The following LYST variants were observed in gnomAD, a reference collection of about 807,000 sequenced individuals.
LYST encodes lysosomal-trafficking regulator.
In LYST, 192 loss-of-function variants were observed where a neutral mutation model predicts 413.6. That is an observed-to-expected ratio of 0.46 (90% CI 0.41 to 0.52). LYST has a LOEUF of 0.52. Ranked by LOEUF, LYST falls within the 20% of genes least tolerant of loss-of-function variation. The pLI is 0.00. For synonymous variants in LYST, 1,525 were observed against 1,567.3 expected, an observed-to-expected ratio of 0.97 and a Z score of 0.64; for missense variants, 3,815 against 4,499.9, an observed-to-expected ratio of 0.85 and a Z score of 4.35.
At chr1:235,772,353 C>T (rs972486181) in intron 19 of LYST, among the ~76,000 whole-genome samples, 4 of 151,864 alleles carry the variant, frequency 2.6e-5, no homozygotes, top group Admixed American at 2.6e-4. Flanking sequence ...TTCTGAATTG[C>T]TCTATAAATA....
chr1:235,750,774 T>C (rs1272193254), intron 28 of LYST, among the ~76,000 whole-genome samples: 1 of 152,232 alleles, frequency 6.6e-6, no homozygotes, highest in Non-Finnish European at 1.5e-5. Flanking sequence ...TCTTTTGTCC[T>C]GAGTAGAAAC....
intron 47 of LYST, 146 bp downstream of exon 47, chr1:235,693,204 C>G: frequency 1.6e-6 from 1 of 618,852 alleles, no homozygotes; most frequent in Non-Finnish European, 2.8e-6. Context: ...GTAGTCCCAG[C>G]TACTTGGGAG....
chr1:235,718,567 C>T (rs1663056978), intron 40 of LYST, among the ~76,000 whole-genome samples: 1 of 152,202 alleles, frequency 6.6e-6, no homozygotes, highest in African/African-American at 2.4e-5. Flanking sequence ...CAGCTTAAAT[C>T]TGATTTCTTG....
At chr1:235,784,551 GTTA>G (rs1438420218) in intron 14 of LYST, among the ~76,000 whole-genome samples, 96 of 152,316 alleles carry the variant, frequency 6.3e-4, no homozygotes, top group African/African-American at 2.0e-3. Flanking sequence ...CAGAGTTTAG[GTTA>G]AACTTTCAGC....
chr1:235,716,908 A>T lies in LYST; in HGVS notation c.9561-130T>A, dbSNP rs770253107. ...TCCACCCTTATTTCTCTGCTTAAAC[A>T]TATTGTTTTGTAACTAACAGTCACC... On this transcript the variant is annotated intron_variant, in intron 40 of 52. Coordinates refer to ENST00000389793, the MANE Select transcript of LYST (RefSeq NM_000081.4). 5.6e-5 allele frequency: 34 copies of T among 608,206 alleles called. 1 individual carries two copies. In the Middle Eastern group the frequency reaches 6.5e-3, roughly 117 times the overall value. 37.7% of individuals were successfully genotyped at this position (608,206 alleles called of 1,614,324 possible).
intron 31 of LYST, chr1:235,738,187 T>C (rs1664985111): frequency 1.2e-6 from 2 of 1,610,014 alleles, no homozygotes; most frequent in African/African-American, 1.3e-5. Context: ...GGCGAGATGA[T>C]GGATCTCCAC....
chr1:235,761,474 G>C (rs1410690773), intron 22 of LYST, among the ~76,000 whole-genome samples: 2 of 152,196 alleles, frequency 1.3e-5, no homozygotes, highest in Non-Finnish European at 2.9e-5. Flanking sequence ...AGATAGAAAA[G>C]TACTGTAGGC....
intron 34 of LYST, among the ~76,000 whole-genome samples, chr1:235,731,908 G>A (rs996942399): frequency 6.6e-6 from 1 of 151,924 alleles, no homozygotes; most frequent in African/African-American, 2.4e-5. Flanking sequence ...TCTTTCTGTG[G>A]TATGAATCAC....
chr1:235,688,984 AAATAATAATAATAATAAT>A (rs35849101), intron 47 of LYST, among the ~76,000 whole-genome samples: 5 of 135,932 alleles, frequency 3.7e-5, no homozygotes, highest in African/African-American at 8.4e-5. Context: ...ACTCCGTCTC[AAATAATAATAATAATAAT>A]AATAATAATA....
rs759114493 is a variant in LYST at position 235,693,363 on chromosome 1, G to A, written c.10688C>T (p.Ser3563Leu). ...TAAAGTGTTTACCTGGTACTGTTGT[G>A]AACTTTGAATAAAGTTTACTGGAGG... ...SEPPVNFIQSSQQYQVTSCAW... is the reference protein window; with the variant it reads ...SEPPVNFIQSLQQYQVTSCAW... Residue 3563 changes from serine to leucine, a missense_variant, in exon 47 of 53, where the codon TCA (serine) becomes TTA (leucine). Physicochemically the swap from Ser to Leu is moderately radical, Grantham distance 145. Coordinates refer to ENST00000389793, the MANE Select transcript of LYST (RefSeq NM_000081.4). The A allele has an allele frequency of 1.7e-5, 27 of 1,607,890 alleles. 1 individual carries two copies. The South Asian group carries it at 3.0e-4, about 18-fold the overall frequency.
chr1:235,834,368 T>C (rs1676314520), intron 1 of LYST, among the ~76,000 whole-genome samples: 1 of 152,126 alleles, frequency 6.6e-6, no homozygotes, highest in African/African-American at 2.4e-5. Flanking sequence ...TATTTTGAAT[T>C]ATAAGTTTTA....
intron 13 of LYST, among the ~76,000 whole-genome samples, chr1:235,788,029 A>C (rs1371966108): frequency 6.6e-6 from 1 of 152,244 alleles, no homozygotes; most frequent in Non-Finnish European, 1.5e-5. Context: ...TGGAAAACTT[A>C]TGTCTGTTAA....
intron 31 of LYST, chr1:235,738,142 T>C: frequency 6.2e-7 from 1 of 1,608,898 alleles, no homozygotes; most frequent in Non-Finnish European, 8.5e-7. Context: ...GCAGGCGAAC[T>C]TGCTCTTGTT....
intron 45 of LYST, among the ~76,000 whole-genome samples, chr1:235,698,797 T>C (rs1331081173): frequency 3.3e-5 from 5 of 152,014 alleles, no homozygotes; most frequent in Non-Finnish European, 7.4e-5. Context: ...GGCATGAACC[T>C]GGGAGGCAGA....
chr1:235,662,787 C>A lies in LYST; in HGVS notation c.*153G>T. 1 of 752,040 alleles carries A rather than the reference C, an allele frequency of 1.3e-6. No homozygotes were observed. Among genetic ancestry groups the A allele is most frequent in the South Asian group, 1.4e-5 (1 of 72,544 alleles). 46.6% of individuals were successfully genotyped at this position (752,040 alleles called of 1,614,324 possible). On this transcript the variant is annotated 3_prime_UTR_variant, in exon 53 of 53. Coordinates refer to ENST00000389793, the MANE Select transcript of LYST (RefSeq NM_000081.4). ...ACTTTCCTCTTAGGATCATGTGACT[C>A]TTCAGAATTTTGTGCAGATGAATAG...
chr1:235,855,368 A>AGT (rs1679053118), intron 1 of LYST, among the ~76,000 whole-genome samples: 1 of 152,194 alleles, frequency 6.6e-6, no homozygotes, highest in East Asian at 1.9e-4. Context: ...TCTGAGAAAC[A>AGT]GACACATTTA....
intron 45 of LYST, among the ~76,000 whole-genome samples, chr1:235,699,568 A>C: frequency 6.6e-6 from 1 of 151,564 alleles, no homozygotes; most frequent in Admixed American, 6.5e-5. Context: ...GAGTAGAATG[A>C]TTTATATTCC....
chr1:235,809,012 T>C lies in LYST; in HGVS notation c.1806A>G (p.Pro602=), dbSNP rs1673169473. 6.2e-7 allele frequency: 1 copy of C among 1,613,964 alleles called. No homozygotes were observed. Among genetic ancestry groups the C allele is most frequent in the Admixed American group, 1.7e-5 (1 of 59,992 alleles). Residue 602 remains proline, a synonymous_variant, in exon 5 of 53, where the codon CCA becomes CCG. Coordinates refer to ENST00000389793, the MANE Select transcript of LYST (RefSeq NM_000081.4). The surrounding 1 kb of genome is among the most constrained non-coding windows in gnomAD (Gnocchi z 4.0). ...TATGCTGCTGAAAATTTTTCAGTGC[T>C]GGCAATTTAAAAGCATGGAGCAAAG... is the stretch of plus-strand genomic sequence containing the variant. The part of the protein sequence containing the change: ...IIPLLHAFKL[P]ALKNFQQHIL...
chr1:235,757,263 T>A lies in LYST; in HGVS notation c.7059+18A>T. 2 of 1,568,094 alleles carry A rather than the reference T, an allele frequency of 1.3e-6. No homozygotes were observed. The highest frequency in any genetic ancestry group is 1.8e-6 in the Non-Finnish European group (2 of 1,140,636). On this transcript the variant is annotated intron_variant, in intron 24 of 52. Transcript: ENST00000389793. ...TATTTTTCTGAATTAAAATAACATA[T>A]CTAGTATTTGCCCTTACTTTAATAA...
Sources: gnomAD v4.1 joint callset for allele counts (sites outside exome capture counted in the v4.1 genomes callset) on GRCh38, gnomAD v4.1.1 for gene constraint, Gnocchi (gnomAD v3.1) non-coding constraint, MANE v1.5 for transcripts, NCBI Gene and HGNC (gene_info 2026-07-23, HGNC 2026-07-21) for gene names.